Variants in NELL2 observed in about 807,000 individuals in gnomAD.
NELL2 encodes neural EGFL like 2.
A neutral mutation model predicts 109.6 loss-of-function variants in NELL2; 41 were observed. The observed-to-expected ratio is 0.37, with a 90% CI of 0.29 to 0.49. The LOEUF (loss-of-function observed/expected upper bound fraction) is 0.49. Ranked by LOEUF, NELL2 falls within the 20% of genes least tolerant of loss-of-function variation. The pLI, the probability that NELL2 is intolerant of heterozygous loss-of-function variation, is 0.98. For missense variants in NELL2, 900 were observed against 1,008.3 expected (o/e 0.89, Z 1.45); for synonymous variants, 355 against 344.7 (o/e 1.03, Z -0.33).
intron 2 of NELL2, among the ~76,000 whole-genome samples, chr12:44,843,564 T>C (rs1322626656): frequency 6.6e-6 from 1 of 152,216 alleles, no homozygotes; most frequent in Non-Finnish European, 1.5e-5. Flanking sequence ...AATGAAAGCA[T>C]ACGTTCAGAA....
intron 9 of NELL2, among the ~76,000 whole-genome samples, chr12:44,750,952 C>A (rs12827088): frequency 6.6e-6 from 1 of 151,908 alleles, no homozygotes; most frequent in Non-Finnish European, 1.5e-5. Flanking sequence ...CTCCCTAAAG[C>A]ACTACTGTCA....
chr12:44,667,767 C>A (rs764190986), intron 12 of NELL2, among the ~76,000 whole-genome samples: 29 of 152,110 alleles, frequency 1.9e-4, no homozygotes, highest in Non-Finnish European at 5.9e-5. Context: ...TTGGCCCAGG[C>A]AAGATCAGCT....
At chr12:44,846,702 A>G (rs769918682) in intron 2 of NELL2, among the ~76,000 whole-genome samples, 1 of 152,152 alleles carries the variant, frequency 6.6e-6, no homozygotes, top group African/African-American at 2.4e-5. Context: ...ATCCTAAAAC[A>G]TATTTTTTCT....
intron 15 of NELL2, among the ~76,000 whole-genome samples, chr12:44,606,107 G>C (rs1385450224): frequency 6.6e-6 from 1 of 152,072 alleles, no homozygotes; most frequent in African/African-American, 2.4e-5. Flanking sequence ...TTTGAAATCA[G>C]TCACTGAAGT....
At chr12:44,556,970 T>C (rs915439482) in intron 15 of NELL2, among the ~76,000 whole-genome samples, 2 of 152,190 alleles carry the variant, frequency 1.3e-5, no homozygotes, top group Non-Finnish European at 2.9e-5. Flanking sequence ...GATTTGTTTG[T>C]TGGACCTGAA....
intron 17 of NELL2, 55 bp from the exon 18 acceptor site, chr12:44,522,231 G>A (rs916617675): frequency 3.4e-5 from 48 of 1,416,258 alleles, no homozygotes; most frequent in African/African-American, 1.3e-4. Flanking sequence ...TCAGTAACAC[G>A]CACACACACA....
intron 1 of NELL2, among the ~76,000 whole-genome samples, chr12:44,912,156 T>C (rs1464080802): frequency 1.3e-5 from 2 of 151,900 alleles, no homozygotes; most frequent in Non-Finnish European, 2.9e-5. Context: ...GCATGGAACA[T>C]TTAGTTACTT....
intron 15 of NELL2, among the ~76,000 whole-genome samples, chr12:44,564,409 C>G (rs780499161): frequency 6.6e-6 from 1 of 152,134 alleles, no homozygotes; most frequent in African/African-American, 2.4e-5. Context: ...CTGTAATAGT[C>G]TTCAGGGCTG....
chr12:44,876,931 G>A, upstream of NELL2: 1 of 1,233,744 alleles, frequency 8.1e-7, no homozygotes, highest in Non-Finnish European at 1.0e-6. Context: ...GGGCGCTGGA[G>A]AGCTTCCCCG....
intron 1 of NELL2, among the ~76,000 whole-genome samples, chr12:44,889,637 A>G (rs1279432019): frequency 6.6e-6 from 1 of 152,042 alleles, no homozygotes; most frequent in South Asian, 2.1e-4. Flanking sequence ...GAATATTCTT[A>G]GTGATATCCA....
At chr12:44,680,897 G>A (rs1382048902) in intron 12 of NELL2, among the ~76,000 whole-genome samples, 2 of 151,962 alleles carry the variant, frequency 1.3e-5, no homozygotes, top group Non-Finnish European at 2.9e-5. Flanking sequence ...AATGTATGTT[G>A]CTTTGACAAT....
intron 12 of NELL2, among the ~76,000 whole-genome samples, chr12:44,682,105 C>A (rs1001773692): frequency 1.5e-4 from 23 of 149,746 alleles, no homozygotes; most frequent in Non-Finnish European, 7.3e-5. Flanking sequence ...TTAAAGATTG[C>A]CATTCTAACT....
intron 9 of NELL2, among the ~76,000 whole-genome samples, chr12:44,746,635 G>A (rs868549944): frequency 0.027 from 4,075 of 151,994 alleles, 180 homozygotes; most frequent in African/African-American, 0.092. Flanking sequence ...AAAAGTGGGC[G>A]AAGGATATGA....
chr12:44,740,988 G>C (rs928286943), intron 9 of NELL2, among the ~76,000 whole-genome samples: 22 of 152,108 alleles, frequency 1.4e-4, no homozygotes, highest in Non-Finnish European at 2.9e-5. Flanking sequence ...CTATGTACCA[G>C]GCACTGTTTC....
chr12:44,843,153 G>A (rs961603339), intron 2 of NELL2, among the ~76,000 whole-genome samples: 26 of 151,692 alleles, frequency 1.7e-4, no homozygotes, highest in African/African-American at 6.0e-4. Context: ...TTTGGGGAAG[G>A]GGAGAGGTAA....
At chr12:44,767,822 C>A (rs908407485) in intron 9 of NELL2, among the ~76,000 whole-genome samples, 6 of 152,068 alleles carry the variant, frequency 3.9e-5, no homozygotes, top group Admixed American at 3.9e-4. Flanking sequence ...CATTAAAAGT[C>A]ATCTGGAGGG....
At chr12:44,813,081 G>A (rs548369771) in intron 3 of NELL2, among the ~76,000 whole-genome samples, 6 of 152,308 alleles carry the variant, frequency 3.9e-5, no homozygotes, top group African/African-American at 1.4e-4. Flanking sequence ...TGGATTTACA[G>A]AGGGGGACAA....
intron 9 of NELL2, among the ~76,000 whole-genome samples, chr12:44,718,567 T>C (rs1938609101): frequency 1.3e-5 from 2 of 152,168 alleles, no homozygotes; most frequent in Admixed American, 1.3e-4. Flanking sequence ...TGATGTAACT[T>C]TGGATTTCTA....
intron 9 of NELL2, among the ~76,000 whole-genome samples, chr12:44,751,421 G>T (rs1244505693): frequency 6.6e-6 from 1 of 152,028 alleles, no homozygotes; most frequent in African/African-American, 2.4e-5. Context: ...TTGGAAATTT[G>T]AATCATAGTT....
Sources: gnomAD v4.1 joint callset for allele counts (sites outside exome capture counted in the v4.1 genomes callset) on GRCh38, gnomAD v4.1.1 for gene constraint, MANE v1.5 for transcripts, NCBI Gene and HGNC (gene_info 2026-07-23, HGNC 2026-07-21) for gene names.